CRYBG3: variants seen among roughly 807,000 people sequenced by gnomAD.
CRYBG3 encodes the protein crystallin beta-gamma domain containing 3.
Under a neutral mutation model 244.2 loss-of-function variants are expected in CRYBG3, and 127 were observed. The observed-to-expected ratio is 0.52, with a 90% CI of 0.45 to 0.60. The LOEUF is 0.60. Among genes scored for constraint, CRYBG3 ranks in the 20% least tolerant of loss-of-function variants. The pLI, the probability that CRYBG3 is intolerant of heterozygous loss-of-function variation, is 0.00. For missense variants in CRYBG3, 3,325 were observed against 3,442.5 expected, an observed-to-expected ratio of 0.97 and a Z score of 0.85; for synonymous variants, 1,132 against 1,195.8, an observed-to-expected ratio of 0.95 and a Z score of 1.10.
chr3:97,934,380 G>A (rs776815595), intron 18 of CRYBG3, among the ~76,000 whole-genome samples: 1 of 152,072 alleles, frequency 6.6e-6, no homozygotes, highest in Non-Finnish European at 1.5e-5. Context: ...GCCTGTAAGT[G>A]AGGGGCCTTG....
intron 10 of CRYBG3, among the ~76,000 whole-genome samples, chr3:97,892,364 A>G (rs1461371881): frequency 6.6e-6 from 1 of 152,092 alleles, no homozygotes; most frequent in African/African-American, 2.4e-5. Context: ...TTCCTTTCAA[A>G]TTGACGCGGA....
chr3:97,852,719 G>A (rs1403863903), intron 2 of CRYBG3, among the ~76,000 whole-genome samples: 1 of 152,128 alleles, frequency 6.6e-6, no homozygotes, highest in Non-Finnish European at 1.5e-5. Flanking sequence ...GGATCCCATA[G>A]TAGTTTATTT....
chr3:97,907,596 C>A (rs912550295), intron 15 of CRYBG3, among the ~76,000 whole-genome samples: 4 of 145,576 alleles, frequency 2.7e-5, no homozygotes, highest in African/African-American at 1.0e-4. Context: ...GGTGATATCC[C>A]CTTTATCATT....
intron 2 of CRYBG3, among the ~76,000 whole-genome samples, chr3:97,844,079 T>C (rs1436795969): frequency 6.6e-6 from 1 of 152,208 alleles, no homozygotes; most frequent in African/African-American, 2.4e-5. Context: ...CACTTTTTAA[T>C]ATTTTTAAAA....
intron 17 of CRYBG3, among the ~76,000 whole-genome samples, chr3:97,922,414 G>A (rs942715026): frequency 5.9e-5 from 9 of 152,074 alleles, no homozygotes; most frequent in Non-Finnish European, 1.3e-4. Flanking sequence ...CTACAGAATG[G>A]GAGAAAATTT....
chr3:97,847,022 A>C (rs1413640614), intron 2 of CRYBG3, among the ~76,000 whole-genome samples: 1 of 152,224 alleles, frequency 6.6e-6, no homozygotes, highest in African/African-American at 2.4e-5. Context: ...AGGAGCAGAC[A>C]TGTCACATAG....
chr3:97,891,083 T>C (rs2039570322), intron 10 of CRYBG3, among the ~76,000 whole-genome samples: 1 of 152,158 alleles, frequency 6.6e-6, no homozygotes, highest in Non-Finnish European at 1.5e-5. Flanking sequence ...TCTCAATGAA[T>C]AGTAGGCCAT....
chr3:97,834,495 A>G (rs1490332704), intron 1 of CRYBG3, among the ~76,000 whole-genome samples: 2 of 152,118 alleles, frequency 1.3e-5, no homozygotes, highest in African/African-American at 4.8e-5. Flanking sequence ...ATTTCTTGTA[A>G]CTACTATGCT....
intron 18 of CRYBG3, among the ~76,000 whole-genome samples, chr3:97,936,234 A>G (rs1409219007): frequency 6.6e-6 from 1 of 152,064 alleles, no homozygotes; most frequent in African/African-American, 2.4e-5. Context: ...AATGCTGCCA[A>G]AGTTGAAGGC....
rs570108700 is a variant in CRYBG3, at chr3:97,846,678, C to G, written c.216+3417C>G. ...TTTCAAGCAAACTCTTAGTTTTAAT[C>G]CCATGTCTGACACTGCCTTAAGTGG... On this transcript the variant is annotated intron_variant, in intron 2 of 21. Coordinates refer to ENST00000389622, the MANE Select transcript of CRYBG3 (RefSeq NM_153605.4). Among the ~76,000 whole-genome samples the G allele has an allele frequency of 1.2e-3, 185 of 152,228 alleles. 1 individual carries two copies. The highest frequency in any genetic ancestry group is 3.6e-3 in the African/African-American group (148 of 41,558).
At position 97,876,871 on chromosome 3, in the gene CRYBG3, A is replaced by C. The variant is rs879076474; in HGVS notation, c.5677A>C (p.Ser1893Arg). ...QGEAMLPAFE[S>R]KTPQEYAEGS... The stretch of plus-strand genomic sequence containing the variant: ...GGAGGCCATGCTTCCTGCATTTGAA[A>C]GTAAAACACCACAAGAGTATGCTGA... The change falls in exon 4 of 22, where the codon AGT becomes CGT. Residue 1893 changes from serine to arginine, a missense_variant. Ser to Arg is a moderately radical substitution (Grantham distance 110). Transcript: ENST00000389622. The C allele has an allele frequency of 5.1e-5, 70 of 1,384,258 alleles. No homozygotes were observed. The South Asian group carries it at 1.4e-3, about 27-fold the overall frequency. 85.7% of individuals were successfully genotyped at this position (1,384,258 alleles called of 1,614,324 possible). A position where few individuals can be genotyped will look rare whatever the true frequency, so the allele number is the denominator to read the frequency against.
rs1181613689 is a variant in CRYBG3 at position 97,889,536 on chromosome 3, A to G, written c.7440+146A>G. 4.4e-6 allele frequency: 3 copies of G among 680,696 alleles called. No individual in the cohort carries two copies. In the East Asian group the frequency reaches 8.1e-5, roughly 18 times the overall value. The allele number at this position is 680,696 out of a possible 1,614,324, so 42.2% of individuals were successfully genotyped here. A position where few individuals can be genotyped will look rare whatever the true frequency, so the allele number is the denominator to read the frequency against. ...TTTTGGGGAGGTGGGAAGTGAATGC[A>G]CAAAATGTTTGATGAGGGCCCAACC... On this transcript the variant is annotated intron_variant, in intron 10 of 21. Transcript: ENST00000389622.
intron 3 of CRYBG3, among the ~76,000 whole-genome samples, chr3:97,870,173 A>G (rs1288905890): frequency 6.6e-6 from 1 of 152,112 alleles, no homozygotes; most frequent in African/African-American, 2.4e-5. Context: ...TGGGGTGCAT[A>G]TGCAGGTTTA....
chr3:97,873,374 C>T lies in CRYBG3; in HGVS notation c.2180C>T (p.Ser727Phe). 1 of 1,535,806 alleles carries T rather than the reference C, an allele frequency of 6.5e-7. No homozygotes were observed. Among genetic ancestry groups the T allele is most frequent in the Non-Finnish European group, 8.7e-7 (1 of 1,146,742 alleles). Residue 727 changes from serine (S) to phenylalanine (F), a missense_variant, in exon 4 of 22, where the codon TCT becomes TTT. Coordinates refer to ENST00000389622, the MANE Select transcript of CRYBG3 (RefSeq NM_153605.4). ...CCTTCCTTTTGCCTTGAATATACAT[C>T]TGCAATTTTTGAATTCAAAGAAGTT... ...PPPSFCLEYT[S>F]AIFEFKEVLS...
Position 97,875,300 on chromosome 3 carries a change from C to T in CRYBG3, c.4106C>T (p.Thr1369Ile), listed in dbSNP as rs2039357654. ...TCAGAACAGCCAGTAAATCAAAGCA[C>T]ACAAATTAGTGAAAATAAAGTATTA... The part of the protein sequence containing the change: ...LVSEQPVNQS[T>I]QISENKVLNE... The change falls in exon 4 of 22, where the codon ACA (threonine) becomes ATA (isoleucine). Residue 1369 changes from threonine (T) to isoleucine (I), a missense_variant. By Grantham distance (89) the Thr-to-Ile change is moderately conservative (BLOSUM62 -1). Around this residue, in one of 4 missense-constraint regions of CRYBG3, gnomAD observed 635 missense variants for 771.7 expected, o/e 0.82. Coordinates refer to ENST00000389622, the MANE Select transcript of CRYBG3 (RefSeq NM_153605.4). The T allele has an allele frequency of 1.4e-6, 2 of 1,450,450 alleles. No individual in the cohort carries two copies. The highest frequency in any genetic ancestry group is 1.8e-6 in the Non-Finnish European group (2 of 1,109,842). The allele number at this position is 1,450,450 out of a possible 1,614,324, so 89.8% of individuals were successfully genotyped here. A position where few individuals can be genotyped will look rare whatever the true frequency, so the allele number is the denominator to read the frequency against.
In CRYBG3 at chr3:97,875,771, AC is replaced by A; in HGVS notation, c.4578del (p.His1526GlnfsTer7). On this transcript the variant is annotated frameshift_variant, in exon 4 of 22. Transcript: ENST00000389622. LOFTEE classifies it high-confidence loss of function. ...PLAMSDVGKVHKKDNEINIGK... is the reference protein window; with the variant it reads ...PLAMSDVGKVXKKDNEINIGK... The stretch of plus-strand genomic sequence containing the variant: ...GCAATGTCAGATGTAGGGAAAGTAC[AC>A]AAGAAGGATAATGAAATAAATATAG... 8.1e-7 allele frequency: 1 copy of A among 1,231,966 alleles called. No homozygotes were observed. Among genetic ancestry groups the A allele is most frequent in the Non-Finnish European group, 1.0e-6 (1 of 987,834 alleles). The allele number at this position is 1,231,966 out of a possible 1,614,324, so 76.3% of individuals were successfully genotyped here. A position where few individuals can be genotyped will look rare whatever the true frequency, so the allele number is the denominator to read the frequency against.
chr3:97,839,717 A>T (rs2038785516), intron 1 of CRYBG3, among the ~76,000 whole-genome samples: 1 of 151,504 alleles, frequency 6.6e-6, no homozygotes, highest in Non-Finnish European at 1.5e-5. Flanking sequence ...CGTCCTGAAT[A>T]GCTGGGACTA....
intron 17 of CRYBG3, among the ~76,000 whole-genome samples, chr3:97,932,092 G>A (rs990743211): frequency 3.9e-5 from 6 of 151,964 alleles, no homozygotes; most frequent in Admixed American, 3.9e-4. Flanking sequence ...GCTTCCACTT[G>A]TGCACTTGTG....
chr3:97,854,697 A>AT (rs1184873564), intron 2 of CRYBG3, among the ~76,000 whole-genome samples: 19 of 148,778 alleles, frequency 1.3e-4, no homozygotes, highest in South Asian at 4.3e-4. Context: ...GTATACATTG[A>AT]TTTTTTTTTA....
Sources: gnomAD v4.1 joint callset for allele counts (sites outside exome capture counted in the v4.1 genomes callset) on GRCh38, gnomAD v4.1.1 for gene constraint, gnomAD v4.1.1 regional missense constraint, MANE v1.5 for transcripts, NCBI Gene and HGNC (gene_info 2026-07-23, HGNC 2026-07-21) for gene names.